TMPRSS15: variants seen among roughly 807,000 people sequenced by gnomAD.
The protein encoded by TMPRSS15 is transmembrane serine protease 15.
Under a neutral mutation model 125.3 loss-of-function variants are expected in TMPRSS15, and 128 were observed. The observed-to-expected ratio is 1.02, with a 90% CI of 0.89 to 1.18. The LOEUF (loss-of-function observed/expected upper bound fraction) is 1.18, where lower values mean the gene tolerates loss of function less well. Among genes scored for constraint, TMPRSS15 ranks in the 50% most tolerant of loss-of-function variants. The pLI, the probability that TMPRSS15 is intolerant of heterozygous loss-of-function variation, is 0.00. For missense variants in TMPRSS15, 1,283 were observed against 1,212.7 expected, an observed-to-expected ratio of 1.06 and a Z score of -0.86; for synonymous variants, 446 against 423.2, an observed-to-expected ratio of 1.05 and a Z score of -0.66.
intron 17 of TMPRSS15, among the ~76,000 whole-genome samples, chr21:18,314,044 G>C (rs1569001099): frequency 6.6e-6 from 1 of 152,176 alleles, no homozygotes; most frequent in Non-Finnish European, 1.5e-5. Flanking sequence ...CGTTCATCAA[G>C]GGAGGAAAAC....
chr21:18,360,157 C>T (rs1208117849), intron 7 of TMPRSS15, among the ~76,000 whole-genome samples: 1 of 152,072 alleles, frequency 6.6e-6, no homozygotes, highest in Non-Finnish European at 1.5e-5. Context: ...ATGAGTTTAA[C>T]TACTTTCTAT....
upstream of TMPRSS15, among the ~76,000 whole-genome samples, chr21:18,407,783 A>T (rs972477899): frequency 2.0e-5 from 3 of 152,184 alleles, no homozygotes; most frequent in African/African-American, 7.2e-5. Context: ...TTTTAAACAT[A>T]TACTTGAGAC....
chr21:18,317,484 AG>A (rs1167010206), intron 16 of TMPRSS15, among the ~76,000 whole-genome samples: 1 of 152,030 alleles, frequency 6.6e-6, no homozygotes, highest in Non-Finnish European at 1.5e-5. Flanking sequence ...CAGCAAACCA[AG>A]TGTGGGATGC....
At chr21:18,379,753 T>C (rs1345644361) in intron 4 of TMPRSS15, among the ~76,000 whole-genome samples, 1 of 152,104 alleles carries the variant, frequency 6.6e-6, no homozygotes, top group Admixed American at 6.6e-5. Context: ...ACTTAGTACC[T>C]GTGTGACCCT....
chr21:18,342,847 A>G (rs1157024559), intron 12 of TMPRSS15, among the ~76,000 whole-genome samples: 1 of 152,190 alleles, frequency 6.6e-6, no homozygotes, highest in Non-Finnish European at 1.5e-5. Flanking sequence ...CCAAATATAC[A>G]TCTTCTGAAA....
intron 1 of TMPRSS15, among the ~76,000 whole-genome samples, chr21:18,471,449 T>C (rs866045043): frequency 6.7e-6 from 1 of 148,782 alleles, no homozygotes; most frequent in Admixed American, 6.8e-5. Flanking sequence ...CCTGGAGGGA[T>C]TGCTGTCTTC....
At chr21:18,400,633 G>GA (rs1221341551) in intron 1 of TMPRSS15, among the ~76,000 whole-genome samples, 1 of 152,002 alleles carries the variant, frequency 6.6e-6, no homozygotes, top group Non-Finnish European at 1.5e-5. Flanking sequence ...AATCCTAGAG[G>GA]AAAAAAGGAA....
At chr21:18,314,557 C>T (rs551981483) in intron 17 of TMPRSS15, among the ~76,000 whole-genome samples, 17 of 152,086 alleles carry the variant, frequency 1.1e-4, no homozygotes, top group East Asian at 9.6e-4. Context: ...GGATTATAGG[C>T]GTGAGCCACT....
intron 1 of TMPRSS15, among the ~76,000 whole-genome samples, chr21:18,472,708 T>C (rs1978805282): frequency 6.6e-6 from 1 of 151,834 alleles, no homozygotes. Flanking sequence ...GCAATTAAAA[T>C]AATACATTAA....
chr21:18,287,972 C>A (rs989980973), intron 21 of TMPRSS15, among the ~76,000 whole-genome samples: 1 of 152,036 alleles, frequency 6.6e-6, no homozygotes, highest in Non-Finnish European at 1.5e-5. Flanking sequence ...ATCTAGTACT[C>A]CCACTGCTAG....
At chr21:18,283,771 T>C (rs2074730952) in intron 21 of TMPRSS15, among the ~76,000 whole-genome samples, 1 of 152,168 alleles carries the variant, frequency 6.6e-6, no homozygotes, top group Admixed American at 6.5e-5. Flanking sequence ...TAAATAAATG[T>C]TAAATTAAGG....
intron 21 of TMPRSS15, among the ~76,000 whole-genome samples, chr21:18,289,544 T>C (rs1230247409): frequency 6.6e-6 from 1 of 152,202 alleles, no homozygotes; most frequent in East Asian, 1.9e-4. Context: ...TAAATAGTAG[T>C]CTGTATTTCT....
intron 16 of TMPRSS15, among the ~76,000 whole-genome samples, chr21:18,317,985 C>A (rs2075191002): frequency 2.0e-5 from 3 of 151,782 alleles, no homozygotes; most frequent in African/African-American, 7.3e-5. Context: ...ATTTCACTAC[C>A]CTGGTTTTTG....
At chr21:18,314,677 C>T (rs2075142075) in intron 17 of TMPRSS15, among the ~76,000 whole-genome samples, 1 of 151,792 alleles carries the variant, frequency 6.6e-6, no homozygotes, top group Admixed American at 6.6e-5. Flanking sequence ...AATAAAAAGA[C>T]ATAATAAAAG....
chr21:18,445,745 G>A (rs1228190682), intron 1 of TMPRSS15, among the ~76,000 whole-genome samples: 1 of 152,140 alleles, frequency 6.6e-6, no homozygotes, highest in Non-Finnish European at 1.5e-5. Context: ...AAAGCGTTTG[G>A]TAAAACCCAA....
intron 1 of TMPRSS15, chr21:18,477,323 C>A (rs1183156613): frequency 6.6e-6 from 1 of 152,142 alleles, no homozygotes; most frequent in Non-Finnish European, 1.5e-5. Context: ...AGTAAGGTCT[C>A]TAATCATACA....
intron 21 of TMPRSS15, among the ~76,000 whole-genome samples, chr21:18,289,319 C>A (rs2074804820): frequency 6.6e-6 from 1 of 152,134 alleles, no homozygotes; most frequent in African/African-American, 2.4e-5. Flanking sequence ...TCAAGACCAG[C>A]CTGACCAACA....
At chr21:18,406,353 T>C (rs1393731073), upstream of TMPRSS15, among the ~76,000 whole-genome samples, 3 of 152,096 alleles carry the variant, frequency 2.0e-5, no homozygotes, top group East Asian at 3.9e-4. Flanking sequence ...TCTGTGTGAG[T>C]AGAACATCCA....
chr21:18,315,064 A>C, intron 17 of TMPRSS15, 82 bp downstream of exon 17: 1 of 1,121,382 alleles, frequency 8.9e-7, no homozygotes, highest in Admixed American at 1.7e-5. Context: ...TAATAGACAC[A>C]GTTATAATCT....
Sources: allele counts gnomAD v4.1 joint callset (sites outside exome capture counted in the v4.1 genomes callset), GRCh38; gene constraint gnomAD v4.1.1; transcripts MANE v1.5; gene names NCBI Gene and HGNC (gene_info 2026-07-23, HGNC 2026-07-21).